The following PTPN4 variants were observed in gnomAD, a reference collection of about 807,000 sequenced individuals.
PTPN4 encodes the protein tyrosine-protein phosphatase non-receptor type 4.
Under a neutral mutation model 135.5 loss-of-function variants are expected in PTPN4, and 49 were observed. The ratio of observed to expected loss-of-function variants is 0.36; its 90% CI spans 0.29 to 0.46. The LOEUF (loss-of-function observed/expected upper bound fraction) is 0.46. Among genes scored for constraint, PTPN4 ranks in the 20% least tolerant of loss-of-function variants. PTPN4 has a pLI of 1.00. For synonymous variants in PTPN4, 333 were observed against 369.9 expected (o/e 0.90, Z 1.14); for missense variants, 860 against 1,101.0 (o/e 0.78, Z 3.10).
At chr2:119,793,195 A>G (rs749408623) in intron 1 of PTPN4, among the ~76,000 whole-genome samples, 2 of 152,166 alleles carry the variant, frequency 1.3e-5, no homozygotes, top group African/African-American at 2.4e-5. Flanking sequence ...ACGCTCCCAG[A>G]GCGGCCATTT....
At chr2:119,772,861 A>G (rs924713437) in intron 1 of PTPN4, among the ~76,000 whole-genome samples, 1 of 152,156 alleles carries the variant, frequency 6.6e-6, no homozygotes, top group Non-Finnish European at 1.5e-5. Flanking sequence ...TTAAATAGCA[A>G]TATGGTTGAA....
chr2:119,974,365 C>G (rs1679583866), intron 26 of PTPN4, among the ~76,000 whole-genome samples: 1 of 152,312 alleles, frequency 6.6e-6, no homozygotes, highest in East Asian at 1.9e-4. Flanking sequence ...GCGCCCGCCA[C>G]CAGGCCTGGC....
rs1333931640 is a variant in PTPN4, at chr2:119,882,158, C to A, written c.466+9C>A. 6.2e-7 allele frequency: 1 copy of A among 1,600,888 alleles called. No homozygotes were observed. The highest frequency in any genetic ancestry group is 1.1e-5 in the South Asian group (1 of 90,760). On this transcript the variant is annotated intron_variant, in intron 7 of 26. Transcript: ENST00000263708. ...TTCATTTGCTGTTCAGTGTAAGTAT[C>A]AGCCCATTTTTAGGTCAAATAGCAT...
chr2:119,968,347 G>A (rs1467585676), intron 26 of PTPN4, among the ~76,000 whole-genome samples: 1 of 152,168 alleles, frequency 6.6e-6, no homozygotes, highest in African/African-American at 2.4e-5. Context: ...AATCTTGAGT[G>A]CTTAAACAGG....
At position 119,833,431 on chromosome 2, in the gene PTPN4, G is replaced by T. The variant is rs1334676210; in HGVS notation, c.138+23440G>T. Among the ~76,000 whole-genome samples the T allele has an allele frequency of 2.0e-5, 3 of 151,922 alleles. No homozygotes were observed. The East Asian group carries it at 5.8e-4, about 29-fold the overall frequency. ...GCTTAATAAATAAGTTTTTATATTG[G>T]ATAGAGCAAATCCTTTTGTATCTTT... On this transcript the variant is annotated intron_variant, in intron 2 of 26. Coordinates refer to ENST00000263708, the MANE Select transcript of PTPN4 (RefSeq NM_002830.4).
rs75468833 is a variant in PTPN4 at position 119,847,798 on chromosome 2, G to A, written c.139-14738G>A. ...AATACTCTCAGTATTCATTTATGTG[G>A]AAATGACTATCTTTATTTTGCCTTC... is the stretch of plus-strand genomic sequence containing the variant. On this transcript the variant is annotated intron_variant, in intron 2 of 26. Transcript: ENST00000263708. 8.0e-3 allele frequency among the ~76,000 whole-genome samples: 1,213 copies of A among 152,282 alleles called. 9 individuals carry two copies. Among genetic ancestry groups the A allele is most frequent in the Non-Finnish European group, 0.011 (763 of 68,016 alleles).
At chr2:119,883,364 G>C (rs905641887) in intron 8 of PTPN4, among the ~76,000 whole-genome samples, 1 of 152,026 alleles carries the variant, frequency 6.6e-6, no homozygotes, top group African/African-American at 2.4e-5. Context: ...TCTGAAATCT[G>C]AAACACTTAC....
intron 26 of PTPN4, among the ~76,000 whole-genome samples, chr2:119,974,672 A>T (rs1403848973): frequency 6.6e-6 from 1 of 152,152 alleles, no homozygotes; most frequent in Non-Finnish European, 1.5e-5. Flanking sequence ...TGTGCCCCTG[A>T]TTTAGAATCA....
At chr2:119,863,654 C>A (rs1358647260) in intron 3 of PTPN4, among the ~76,000 whole-genome samples, 2 of 152,000 alleles carry the variant, frequency 1.3e-5, no homozygotes, top group African/African-American at 4.8e-5. Context: ...TTAAATACTA[C>A]CACTTATTTT....
chr2:119,796,859 T>C (rs1353497970), intron 1 of PTPN4, among the ~76,000 whole-genome samples: 1 of 66,184 alleles, frequency 1.5e-5, no homozygotes, highest in Non-Finnish European at 3.0e-5. Flanking sequence ...TGTCACTGTT[T>C]TTGTGTGTGT....
chr2:119,909,990 A>G (rs1167714725), intron 10 of PTPN4, among the ~76,000 whole-genome samples: 1 of 152,172 alleles, frequency 6.6e-6, no homozygotes, highest in African/African-American at 2.4e-5. Context: ...ATTTTTTGAG[A>G]TGGAATCTAC....
intron 20 of PTPN4, among the ~76,000 whole-genome samples, chr2:119,955,739 A>C (rs1470437933): frequency 2.6e-5 from 4 of 152,022 alleles, no homozygotes; most frequent in Middle Eastern, 3.4e-3. Flanking sequence ...AGATCAAGAC[A>C]ATCCTGGCCA....
intron 19 of PTPN4, among the ~76,000 whole-genome samples, chr2:119,954,922 C>T (rs1193724038): frequency 6.6e-6 from 1 of 152,154 alleles, no homozygotes; most frequent in Non-Finnish European, 1.5e-5. Flanking sequence ...AAGTTATAGA[C>T]ATTTTCAGCA....
intron 1 of PTPN4, among the ~76,000 whole-genome samples, chr2:119,784,538 C>T (rs978232884): frequency 4.0e-5 from 6 of 151,824 alleles, no homozygotes; most frequent in East Asian, 1.9e-4. Context: ...AGGCGCCTGC[C>T]ACCATGCCCG....
At chr2:119,786,703 C>T (rs186850616) in intron 1 of PTPN4, among the ~76,000 whole-genome samples, 2 of 152,310 alleles carry the variant, frequency 1.3e-5, no homozygotes, top group East Asian at 3.9e-4. Flanking sequence ...GTCATTTCTG[C>T]TATCCTCTTA....
At chr2:119,934,684 C>A in intron 14 of PTPN4, 116 bp from the exon 15 acceptor site, 1 of 1,023,402 alleles carries the variant, frequency 9.8e-7, no homozygotes, top group Non-Finnish European at 1.4e-6. Context: ...ATTGCTTAGT[C>A]AACATGGCTT....
chr2:119,780,607 T>C (rs1690918935), intron 1 of PTPN4, among the ~76,000 whole-genome samples: 1 of 152,242 alleles, frequency 6.6e-6, no homozygotes, highest in Non-Finnish European at 1.5e-5. Context: ...GTTTTAGTTT[T>C]ATTTCATCAC....
At position 119,980,768 on chromosome 2, in the gene PTPN4, T is replaced by C. The variant is rs1679680748; in HGVS notation, c.*3698T>C. 6.6e-6 allele frequency: 1 copy of C among 152,036 alleles called. No individual in the cohort carries two copies. Among genetic ancestry groups the C allele is most frequent in the Non-Finnish European group, 1.5e-5 (1 of 67,938 alleles). 9.4% of individuals were successfully genotyped at this position (152,036 alleles called of 1,614,324 possible). ...GGACCCCCACTCAGTTTGCTAGTCATGCCTGCCTGACAGAACATAAGCTTT... is the reference window on the plus strand; with the variant it reads ...GGACCCCCACTCAGTTTGCTAGTCACGCCTGCCTGACAGAACATAAGCTTT... On this transcript the variant is annotated 3_prime_UTR_variant, in exon 27 of 27. Coordinates refer to ENST00000263708, the MANE Select transcript of PTPN4 (RefSeq NM_002830.4).
intron 13 of PTPN4, among the ~76,000 whole-genome samples, chr2:119,929,925 C>A (rs1678879462): frequency 6.6e-6 from 1 of 152,050 alleles, no homozygotes; most frequent in African/African-American, 2.4e-5. Context: ...AGTGAACTTT[C>A]ATACAGCTTA....
Sources: allele counts gnomAD v4.1 joint callset (sites outside exome capture counted in the v4.1 genomes callset), GRCh38; gene constraint gnomAD v4.1.1; transcripts MANE v1.5; gene names NCBI Gene and HGNC (gene_info 2026-07-23, HGNC 2026-07-21).